The following SGCZ variants were observed in gnomAD, a reference collection of about 807,000 sequenced individuals.
The protein encoded by SGCZ is sarcoglycan zeta.
A neutral mutation model predicts 41.3 loss-of-function variants in SGCZ; 40 were observed. That is an observed-to-expected ratio of 0.97 (90% CI 0.75 to 1.26). The LOEUF (loss-of-function observed/expected upper bound fraction) is 1.26. Ranked by LOEUF, SGCZ falls within the 50% of genes most tolerant of loss-of-function variation. The probability of loss-of-function intolerance (pLI) is 0.00; values close to 1 mark genes in which losing one functional copy is unlikely to be tolerated. For missense variants in SGCZ, 552 were observed against 369.8 expected (o/e 1.49, Z -4.04); for synonymous variants, 206 against 137.5 (o/e 1.50, Z -3.49).
chr8:14,238,803 G>C (rs115022333), intron 3 of SGCZ, among the ~76,000 whole-genome samples: 1 of 151,982 alleles, frequency 6.6e-6, no homozygotes, highest in Middle Eastern at 3.2e-3. Context: ...CTTGGTGCTT[G>C]CATTGTGGAT....
intron 2 of SGCZ, among the ~76,000 whole-genome samples, chr8:14,434,243 G>A (rs1192346162): frequency 6.6e-6 from 1 of 152,120 alleles, no homozygotes; most frequent in African/African-American, 2.4e-5. Context: ...TCCACTTCAT[G>A]TTTTGTTTGC....
Position 14,364,948 on chromosome 8 carries a change from T to C in SGCZ, c.235-40744A>G, listed in dbSNP as rs566795217. On this transcript the variant is annotated intron_variant, in intron 2 of 7. Coordinates refer to ENST00000382080, the MANE Select transcript of SGCZ (RefSeq NM_139167.4). ...CCCAAATGTCACAAAATAATTCTTC[T>C]ACATTCCTTCCATAGCTCTCATGTT... 3.9e-5 allele frequency among the ~76,000 whole-genome samples: 6 copies of C among 152,226 alleles called. No homozygotes were observed. In the South Asian group the frequency reaches 1.0e-3, roughly 26 times the overall value.
intron 1 of SGCZ, among the ~76,000 whole-genome samples, chr8:14,598,162 T>C (rs2117304273): frequency 6.6e-6 from 1 of 152,276 alleles, no homozygotes; most frequent in East Asian, 1.9e-4. Context: ...GGTTGAGAAT[T>C]ATCATTTTTA....
At chr8:14,894,250 A>G (rs1805117081) in intron 1 of SGCZ, among the ~76,000 whole-genome samples, 1 of 152,266 alleles carries the variant, frequency 6.6e-6, no homozygotes, top group Non-Finnish European at 1.5e-5. Flanking sequence ...CTGCTTTCCG[A>G]ATTAAGTTAA....
intron 1 of SGCZ, among the ~76,000 whole-genome samples, chr8:15,052,778 C>T (rs987867875): frequency 6.6e-6 from 1 of 152,090 alleles, no homozygotes; most frequent in African/African-American, 2.4e-5. Flanking sequence ...AAAGCATATC[C>T]AATTTTAATT....
At chr8:14,272,014 T>A (rs755652336) in intron 3 of SGCZ, among the ~76,000 whole-genome samples, 3 of 152,128 alleles carry the variant, frequency 2.0e-5, no homozygotes, top group Non-Finnish European at 2.9e-5. Flanking sequence ...CTAAGTAATT[T>A]TATTTTTAAG....
At chr8:14,733,021 G>A (rs916488228) in intron 1 of SGCZ, among the ~76,000 whole-genome samples, 1 of 152,094 alleles carries the variant, frequency 6.6e-6, no homozygotes, top group African/African-American at 2.4e-5. Context: ...ATCTGGAACT[G>A]TGCTCTCAGG....
chr8:14,194,794 G>C (rs1031791131), intron 4 of SGCZ, among the ~76,000 whole-genome samples: 1 of 151,938 alleles, frequency 6.6e-6, no homozygotes, highest in East Asian at 1.9e-4. Context: ...CATTTTAAGA[G>C]AGCTGTGAAT....
chr8:14,712,502 G>A lies in SGCZ; in HGVS notation c.40-157576C>T, dbSNP rs140031010. 2.1e-3 allele frequency among the ~76,000 whole-genome samples: 313 copies of A among 152,286 alleles called. 2 individuals are homozygous for A. Among genetic ancestry groups the A allele is most frequent in the African/African-American group, 7.0e-3 (293 of 41,564 alleles). ...CATTAGCCAGTAGGGCAGTTATGTAGTGAATTTTAAAAGTGCTTCATTTGG... is the reference window on the plus strand; with the variant it reads ...CATTAGCCAGTAGGGCAGTTATGTAATGAATTTTAAAAGTGCTTCATTTGG... On this transcript the variant is annotated intron_variant, in intron 1 of 7. Transcript: ENST00000382080.
chr8:14,373,569 A>T (rs559621131), intron 2 of SGCZ, among the ~76,000 whole-genome samples: 22 of 152,318 alleles, frequency 1.4e-4, no homozygotes, highest in African/African-American at 4.8e-4. Context: ...TAGAGGTAGA[A>T]ATTAAACAAA....
chr8:14,798,633 T>C (rs145670441), intron 1 of SGCZ, among the ~76,000 whole-genome samples: 1,747 of 152,308 alleles, frequency 0.011, 27 homozygotes, highest in African/African-American at 0.031. Flanking sequence ...ACTTAAACCA[T>C]TATTAAGTCT....
At chr8:15,009,233 G>C (rs1308968233) in intron 1 of SGCZ, among the ~76,000 whole-genome samples, 2 of 152,260 alleles carry the variant, frequency 1.3e-5, no homozygotes, top group African/African-American at 2.4e-5. Flanking sequence ...AGAAAGCAAA[G>C]GGGAAGTAAG....
intron 2 of SGCZ, among the ~76,000 whole-genome samples, chr8:14,421,436 G>A (rs1799634417): frequency 6.6e-6 from 1 of 152,162 alleles, no homozygotes; most frequent in African/African-American, 2.4e-5. Context: ...TATATACCAG[G>A]TCTTGGGATC....
intron 2 of SGCZ, among the ~76,000 whole-genome samples, chr8:14,447,689 T>C (rs901047221): frequency 2.0e-5 from 3 of 152,178 alleles, no homozygotes; most frequent in African/African-American, 7.2e-5. Flanking sequence ...CCAGAGTCAT[T>C]ATTTTTTAAA....
chr8:14,137,737 C>T (rs952835288), intron 5 of SGCZ, among the ~76,000 whole-genome samples: 1 of 152,016 alleles, frequency 6.6e-6, no homozygotes, highest in Non-Finnish European at 1.5e-5. Context: ...GAGAATGGAC[C>T]CAAGTTGGAA....
chr8:15,196,090 G>A (rs1437065128), intron 1 of SGCZ, among the ~76,000 whole-genome samples: 2 of 147,808 alleles, frequency 1.4e-5, no homozygotes, highest in Admixed American at 6.8e-5. Context: ...GTAGAGACGG[G>A]GTTTCACCTT....
At chr8:14,906,098 C>T (rs780225122) in intron 1 of SGCZ, among the ~76,000 whole-genome samples, 1 of 151,880 alleles carries the variant, frequency 6.6e-6, no homozygotes, top group African/African-American at 2.4e-5. Context: ...CAAAAGGCTG[C>T]GTATTTGAGA....
chr8:14,409,351 T>C (rs1040017079), intron 2 of SGCZ, among the ~76,000 whole-genome samples: 1 of 152,070 alleles, frequency 6.6e-6, no homozygotes, highest in African/African-American at 2.4e-5. Context: ...AAAAATGAGA[T>C]TTAAAAAACT....
intron 1 of SGCZ, among the ~76,000 whole-genome samples, chr8:15,004,108 G>C (rs7016297): frequency 0.99 from 151,310 of 152,234 alleles, 75,200 homozygotes; most frequent in East Asian, 1. Flanking sequence ...CAGAAAGAAA[G>C]GCTCCGTAAG....
Sources: allele counts gnomAD v4.1 joint callset (sites outside exome capture counted in the v4.1 genomes callset), GRCh38; gene constraint gnomAD v4.1.1; transcripts MANE v1.5; gene names NCBI Gene and HGNC (gene_info 2026-07-23, HGNC 2026-07-21).